The following SKIL variants were observed in gnomAD, a reference collection of about 807,000 sequenced individuals.
SKIL encodes SKI like proto-oncogene, also known as ski-like protein.
SKIL carries 20 observed loss-of-function variants against 69.6 expected under a neutral mutation model. That is an observed-to-expected ratio of 0.29 (90% CI 0.20 to 0.42). The LOEUF is 0.42. Ranked by LOEUF, SKIL falls within the 10% of genes least tolerant of loss-of-function variation. The pLI is 1.00. For missense variants in SKIL, 745 were observed against 783.1 expected (o/e 0.95, Z 0.58); for synonymous variants, 310 against 279.9 (o/e 1.11, Z -1.08).
intron 2 of SKIL, among the ~76,000 whole-genome samples, chr3:170,361,642 A>G (rs1247759388): frequency 1.3e-5 from 2 of 152,230 alleles, no homozygotes; most frequent in Non-Finnish European, 1.5e-5. Context: ...TGAGAGAAGT[A>G]AGACTATTAT....
Position 170,391,898 on chromosome 3 carries a change from GT to G in SKIL, c.1897-359del, listed in dbSNP as rs1211618739. On this transcript the variant is annotated intron_variant, in intron 6 of 6. Transcript: ENST00000259119. ...AATTAACAAACAGGAACTGTTGCCT[GT>G]TATGTTCAAAAGCACTGGAGCAAAA... 2.0e-5 allele frequency among the ~76,000 whole-genome samples: 3 copies of G among 152,230 alleles called. No homozygotes were observed. The East Asian group carries it at 5.8e-4, about 29-fold the overall frequency.
intron 2 of SKIL, among the ~76,000 whole-genome samples, chr3:170,374,839 T>C (rs957800936): frequency 2.0e-5 from 3 of 152,236 alleles, no homozygotes; most frequent in Admixed American, 2.0e-4. Flanking sequence ...TATTGTTTAA[T>C]TTATATCTCT....
chr3:170,379,768 C>T (rs751719668), intron 2 of SKIL, among the ~76,000 whole-genome samples: 6 of 152,178 alleles, frequency 3.9e-5, no homozygotes, highest in South Asian at 2.1e-4. Flanking sequence ...CTCAGCCTCC[C>T]GAGTAGCTGG....
chr3:170,364,810 C>T (rs993990943), intron 2 of SKIL, among the ~76,000 whole-genome samples: 5 of 152,002 alleles, frequency 3.3e-5, no homozygotes, highest in Admixed American at 2.6e-4. Context: ...AACCATCCTT[C>T]GTCTGGGATG....
intron 2 of SKIL, among the ~76,000 whole-genome samples, chr3:170,372,588 A>G (rs530651753): frequency 6.6e-6 from 1 of 152,222 alleles, no homozygotes; most frequent in Non-Finnish European, 1.5e-5. Flanking sequence ...TGTTGGAAAT[A>G]TTAAGGAAAC....
chr3:170,362,078 G>A (rs1000843819), intron 2 of SKIL, among the ~76,000 whole-genome samples: 4 of 152,130 alleles, frequency 2.6e-5, no homozygotes, highest in Admixed American at 6.5e-5. Context: ...TCTATGTTTG[G>A]ATATTCAGGC....
In SKIL at chr3:170,391,211, C is replaced by T; in HGVS notation, c.1847C>T (p.Thr616Ile). 1 of 1,612,292 alleles carries T rather than the reference C, an allele frequency of 6.2e-7. No individual in the cohort carries two copies. Among genetic ancestry groups the T allele is most frequent in the South Asian group, 1.1e-5 (1 of 90,876 alleles). ...KLEQIMKQKCTCDSNLEKDKE... is the reference protein window; with the variant it reads ...KLEQIMKQKCICDSNLEKDKE... ...GAGCAGATAATGAAGCAAAAATGTACCTGTGACTCAAATTTAGAAAAAGAC... is the reference window on the plus strand; with the variant it reads ...GAGCAGATAATGAAGCAAAAATGTATCTGTGACTCAAATTTAGAAAAAGAC... Residue 616 changes from threonine (T) to isoleucine (I), a missense_variant, in exon 6 of 7, where the codon ACC (threonine) becomes ATC (isoleucine). Coordinates refer to ENST00000259119, the MANE Select transcript of SKIL (RefSeq NM_005414.5).
chr3:170,367,918 C>G (rs1736624644), intron 2 of SKIL, among the ~76,000 whole-genome samples: 1 of 151,944 alleles, frequency 6.6e-6, no homozygotes, highest in Non-Finnish European at 1.5e-5. Context: ...ATTTTTTTTC[C>G]CTGAAAGCGT....
intron 4 of SKIL, among the ~76,000 whole-genome samples, chr3:170,385,386 C>T (rs1425188669): frequency 6.6e-6 from 1 of 151,798 alleles, no homozygotes; most frequent in Non-Finnish European, 1.5e-5. Flanking sequence ...GCCACCGCAC[C>T]CAACCTTTAT....
rs1482472625 is a variant in SKIL, at chr3:170,395,267, A to G, written c.*2850A>G. 2 of 152,124 alleles carry G rather than the reference A, an allele frequency of 1.3e-5. No homozygotes were observed. Among genetic ancestry groups the G allele is most frequent in the Non-Finnish European group, 1.5e-5 (1 of 67,962 alleles). The allele number at this position is 152,124 out of a possible 1,614,324, so 9.4% of individuals were successfully genotyped here. ...ACCCTAAATTTCACAAATGTAACTT[A>G]TAACACTATGAAAAGATTTGACCAA... On this transcript the variant is annotated 3_prime_UTR_variant, in exon 7 of 7. Transcript: ENST00000259119.
Position 170,362,511 on chromosome 3 carries a change from AAAAC to A in SKIL, c.1098+1093_1098+1096del, listed in dbSNP as rs200033155. Among the ~76,000 whole-genome samples, 1,149 of 130,320 alleles carry A rather than the reference AAAAC, an allele frequency of 8.8e-3. 13 individuals are homozygous for A. Among genetic ancestry groups the A allele is most frequent in the African/African-American group, 0.022 (738 of 33,988 alleles). 85.5% of individuals were successfully genotyped at this position (130,320 alleles called of 152,430 possible). A position where few individuals can be genotyped will look rare whatever the true frequency, so the allele number is the denominator to read the frequency against. On this transcript the variant is annotated intron_variant, in intron 2 of 6. Transcript: ENST00000259119. ...GGGAAACTCCATCAAAAAACAAAACAAAACAAACAAACAACCTATCAACAGGTGG... is the reference window on the plus strand; with the variant it reads ...GGGAAACTCCATCAAAAAACAAAACAAAACAAACAACCTATCAACAGGTGG...
intron 2 of SKIL, among the ~76,000 whole-genome samples, chr3:170,374,787 A>T (rs544365008): frequency 6.6e-6 from 1 of 152,334 alleles, no homozygotes; most frequent in African/African-American, 2.4e-5. Flanking sequence ...TTAGCTTGCA[A>T]CATTTTATCA....
In SKIL at chr3:170,363,956, C is replaced by CA. The variant is rs568466577; in HGVS notation, c.1098+2527_1098+2528insA. Reference sequence around the variant, plus strand: ...GCCCCCAAGCTAATTAGGTGCTGTACTTTTTTTTTTGTAGAGACAAGTCTT... The same window carrying CA: ...GCCCCCAAGCTAATTAGGTGCTGTACATTTTTTTTTTGTAGAGACAAGTCTT... On this transcript the variant is annotated intron_variant, in intron 2 of 6. Transcript: ENST00000259119. 1.1e-3 allele frequency among the ~76,000 whole-genome samples: 169 copies of CA among 148,930 alleles called. 2 individuals are homozygous for CA. The highest frequency in any genetic ancestry group is 9.3e-3 in the Admixed American group (139 of 14,922).
At chr3:170,387,759 T>TAAAAAAAAAAAAAAAAAAAAAA (rs748924498) in intron 4 of SKIL, among the ~76,000 whole-genome samples, 2 of 57,692 alleles carry the variant, frequency 3.5e-5, no homozygotes, top group African/African-American at 4.6e-5. Flanking sequence ...CCGTCTCTAC[T>TAAAAAAAAAAAAAAAAAAAAAA]AAAAAAAAAA....
chr3:170,379,745 G>A (rs182729804), intron 2 of SKIL, among the ~76,000 whole-genome samples: 2 of 152,268 alleles, frequency 1.3e-5, no homozygotes, highest in Admixed American at 1.3e-4. Flanking sequence ...CTGGGTTCAA[G>A]TGATTCTCCT....
Position 170,381,274 on chromosome 3 carries a change from T to A in SKIL, c.1129T>A (p.Ser377Thr). 6.3e-7 allele frequency: 1 copy of A among 1,595,532 alleles called. No individual in the cohort carries two copies. The highest frequency in any genetic ancestry group is 8.6e-7 in the Non-Finnish European group (1 of 1,163,142). Residue 377 changes from serine (S) to threonine (T), a missense_variant, in exon 3 of 7, where the codon TCA becomes ACA. By Grantham distance (58) the Ser-to-Thr change is moderately conservative. Coordinates refer to ENST00000259119, the MANE Select transcript of SKIL (RefSeq NM_005414.5). ...TDAPSGMELQSWYPVIKQEGD... is the reference protein window; with the variant it reads ...TDAPSGMELQTWYPVIKQEGD... ...TGCACCATCAGGAATGGAATTACAG[T>A]CATGGTATCCTGTTATAAAGCAGGA... is the stretch of plus-strand genomic sequence containing the variant.
At chr3:170,361,527 C>A in intron 2 of SKIL, 98 bp downstream of exon 2, 2 of 916,362 alleles carry the variant, frequency 2.2e-6, no homozygotes, top group Non-Finnish European at 3.4e-6. Flanking sequence ...TTGAACATTG[C>A]TCATGCAACA....
At chr3:170,366,698 CACACACACACACACACAT>C (rs1736543241) in intron 2 of SKIL, among the ~76,000 whole-genome samples, 1 of 147,966 alleles carries the variant, frequency 6.8e-6, no homozygotes, top group Non-Finnish European at 1.5e-5. Flanking sequence ...CACACACAGA[CACACACACACACACACAT>C]ACTTGATTTT....
At chr3:170,373,478 T>G (rs1001594066) in intron 2 of SKIL, among the ~76,000 whole-genome samples, 2 of 152,194 alleles carry the variant, frequency 1.3e-5, no homozygotes, top group African/African-American at 4.8e-5. Flanking sequence ...GTGCCTGGCC[T>G]TCCGGCTCAT....
Sources: gnomAD v4.1 joint callset for allele counts (sites outside exome capture counted in the v4.1 genomes callset) on GRCh38, gnomAD v4.1.1 for gene constraint, MANE v1.5 for transcripts, NCBI Gene and HGNC (gene_info 2026-07-23, HGNC 2026-07-21) for gene names.